The following EXOC4 variants were observed in gnomAD, a reference collection of about 807,000 sequenced individuals.
EXOC4 encodes the protein SEC8-like 1.
In EXOC4, 71 loss-of-function variants were observed where a neutral mutation model predicts 107.2. The ratio of observed to expected loss-of-function variants is 0.66; its 90% CI spans 0.55 to 0.81. The LOEUF (loss-of-function observed/expected upper bound fraction) is 0.81. Ranked by LOEUF, EXOC4 falls within the 30% of genes least tolerant of loss-of-function variation. EXOC4 has a pLI of 0.00. For missense variants in EXOC4, 1,108 were observed against 1,189.6 expected (o/e 0.93, Z 1.01); for synonymous variants, 456 against 441.2 (o/e 1.03, Z -0.42).
intron 11 of EXOC4, among the ~76,000 whole-genome samples, chr7:133,872,264 A>G (rs1321683487): frequency 1.3e-5 from 2 of 152,236 alleles, no homozygotes; most frequent in African/African-American, 4.8e-5. Context: ...TATTTTTTAT[A>G]AATGCATAGA....
At chr7:133,344,001 G>A (rs968941886) in intron 5 of EXOC4, among the ~76,000 whole-genome samples, 1 of 151,952 alleles carries the variant, frequency 6.6e-6, no homozygotes, top group Non-Finnish European at 1.5e-5. Flanking sequence ...TTTTTTTGTA[G>A]AGATGGGGTC....
At chr7:133,675,749 G>A (rs1415157739) in intron 10 of EXOC4, among the ~76,000 whole-genome samples, 2 of 152,098 alleles carry the variant, frequency 1.3e-5, no homozygotes, top group Non-Finnish European at 2.9e-5. Context: ...ACTGTATACC[G>A]TATCCCTCTA....
chr7:134,045,740 G>A (rs373740948), intron 17 of EXOC4, among the ~76,000 whole-genome samples: 26 of 151,964 alleles, frequency 1.7e-4, no homozygotes, highest in East Asian at 7.7e-4. Context: ...TCATCACCCC[G>A]AAAGGAAACC....
chr7:134,007,816 G>T lies in EXOC4; in HGVS notation c.2668G>T (p.Ala890Ser). Residue 890 changes from alanine (A) to serine (S), a missense_variant, in exon 17 of 18, where the codon GCA becomes TCA. Coordinates refer to ENST00000253861, the MANE Select transcript of EXOC4 (RefSeq NM_021807.4). Reference sequence around the variant, plus strand: ...GACCAACATCACCATGTCGCGGGAGGCAGACCTGGACTTTGCAAGGTAGGA... The same window carrying T: ...GACCAACATCACCATGTCGCGGGAGTCAGACCTGGACTTTGCAAGGTAGGA... ...NLTNITMSREADLDFARQYYE... is the reference protein window; with the variant it reads ...NLTNITMSRESDLDFARQYYE... The T allele has an allele frequency of 6.2e-7, 1 of 1,613,172 alleles. No individual in the cohort carries two copies. Among genetic ancestry groups the T allele is most frequent in the Non-Finnish European group, 8.5e-7 (1 of 1,179,466 alleles).
intron 7 of EXOC4, among the ~76,000 whole-genome samples, chr7:133,444,573 A>G (rs548241882): frequency 1.3e-5 from 2 of 152,294 alleles, no homozygotes; most frequent in African/African-American, 4.8e-5. Context: ...TATGAAAAAG[A>G]TACAATTAGA....
At chr7:133,441,880 A>G (rs964876018) in intron 7 of EXOC4, among the ~76,000 whole-genome samples, 9 of 152,168 alleles carry the variant, frequency 5.9e-5, no homozygotes, top group Non-Finnish European at 8.8e-5. Context: ...ACACATACCT[A>G]TGTAAATACA....
chr7:133,383,230 A>G (rs1393249316), intron 7 of EXOC4, among the ~76,000 whole-genome samples: 2 of 152,190 alleles, frequency 1.3e-5, no homozygotes. Flanking sequence ...ATCACTTTGA[A>G]CAAACCCATC....
intron 14 of EXOC4, among the ~76,000 whole-genome samples, chr7:133,977,579 A>T (rs888521196): frequency 6.6e-6 from 1 of 152,208 alleles, no homozygotes; most frequent in Non-Finnish European, 1.5e-5. Flanking sequence ...AGTGGAGTGC[A>T]GTAGGAACTT....
At chr7:133,735,806 C>A (rs983385281) in intron 10 of EXOC4, among the ~76,000 whole-genome samples, 8 of 152,108 alleles carry the variant, frequency 5.3e-5, no homozygotes, top group Non-Finnish European at 1.2e-4. Flanking sequence ...TTATTTACTT[C>A]CCCGGCATGG....
chr7:133,803,849 C>T (rs759266758), intron 10 of EXOC4, among the ~76,000 whole-genome samples: 98 of 152,144 alleles, frequency 6.4e-4, no homozygotes, highest in Middle Eastern at 3.4e-3. Flanking sequence ...AATAAGTGGA[C>T]CTATTTATGA....
At chr7:133,484,827 C>A (rs912112397) in intron 9 of EXOC4, among the ~76,000 whole-genome samples, 1 of 151,760 alleles carries the variant, frequency 6.6e-6, no homozygotes, top group Admixed American at 6.6e-5. Context: ...GCCTGTAATC[C>A]CAGCACTTTG....
intron 7 of EXOC4, among the ~76,000 whole-genome samples, chr7:133,438,658 C>G (rs1313770537): frequency 8.5e-5 from 13 of 152,168 alleles, no homozygotes; most frequent in African/African-American, 3.1e-4. Flanking sequence ...ATGAGGTGGT[C>G]TACTGAGGCA....
intron 9 of EXOC4, among the ~76,000 whole-genome samples, chr7:133,539,304 GTCT>G (rs1015840062): frequency 6.6e-6 from 1 of 151,482 alleles, no homozygotes; most frequent in African/African-American, 2.4e-5. Flanking sequence ...TTCTTGTATT[GTCT>G]TCTTTTTATT....
chr7:133,793,019 T>C (rs142063662), intron 10 of EXOC4, among the ~76,000 whole-genome samples: 1 of 152,284 alleles, frequency 6.6e-6, no homozygotes, highest in East Asian at 1.9e-4. Context: ...GACAATCACC[T>C]TGGCTTTTTT....
rs375773542 is a variant in EXOC4, at chr7:133,480,012, T to C, written c.1329-38T>C. 7.7e-6 allele frequency: 12 copies of C among 1,557,640 alleles called. No individual in the cohort carries two copies. In the African/African-American group the frequency reaches 1.6e-4, roughly 21 times the overall value. ...AGAGCTGGTCAGCACTTAATTGGTT[T>C]ACACCTGCTTGTCTGTTTCCCCTGT... On this transcript the variant is annotated intron_variant, in intron 8 of 17. Transcript: ENST00000253861.
At chr7:133,491,777 A>AG (rs1799376758) in intron 9 of EXOC4, among the ~76,000 whole-genome samples, 1 of 152,198 alleles carries the variant, frequency 6.6e-6, no homozygotes, top group African/African-American at 2.4e-5. Context: ...AACATTTTCA[A>AG]GGGAAGTCAT....
chr7:133,937,887 T>G lies in EXOC4; in HGVS notation c.2028-4T>G. 1.9e-6 allele frequency: 3 copies of G among 1,614,116 alleles called. No homozygotes were observed. Among genetic ancestry groups the G allele is most frequent in the African/African-American group, 1.3e-5 (1 of 75,042 alleles). ...ATGAAGTGTGTTTCTGATTTGCTTT[T>G]CAGGGCAGCTTTTGGCAAGGAGTCT... On this transcript the variant is annotated splice_region_variant and splice_polypyrimidine_tract_variant and intron_variant, in intron 13 of 17. Coordinates refer to ENST00000253861, the MANE Select transcript of EXOC4 (RefSeq NM_021807.4).
At chr7:133,299,078 C>A (rs1794586205) in intron 3 of EXOC4, among the ~76,000 whole-genome samples, 1 of 152,088 alleles carries the variant, frequency 6.6e-6, no homozygotes, top group African/African-American at 2.4e-5. Context: ...TTGGAAAGAA[C>A]TAGGTTAAAA....
intron 10 of EXOC4, among the ~76,000 whole-genome samples, chr7:133,756,619 T>C (rs552173059): frequency 6.6e-6 from 1 of 152,328 alleles, no homozygotes; most frequent in South Asian, 2.1e-4. Context: ...ACACATATAA[T>C]GTTTCATGCA....
Sources: allele counts gnomAD v4.1 joint callset (sites outside exome capture counted in the v4.1 genomes callset), GRCh38; gene constraint gnomAD v4.1.1; transcripts MANE v1.5; gene names NCBI Gene and HGNC (gene_info 2026-07-23, HGNC 2026-07-21).